The following TBL1XR1 variants were observed in gnomAD, a reference collection of about 807,000 sequenced individuals.
TBL1XR1 encodes the protein TBL1X/Y related 1.
TBL1XR1 carries 5 observed loss-of-function variants against 66.9 expected under a neutral mutation model. That is an observed-to-expected ratio of 0.07 (90% CI 0.04 to 0.16). TBL1XR1 has a LOEUF of 0.16. Among genes scored for constraint, TBL1XR1 ranks in the 10% least tolerant of loss-of-function variants. The pLI, the probability that TBL1XR1 is intolerant of heterozygous loss-of-function variation, is 1.00. For synonymous variants in TBL1XR1, 210 were observed against 206.0 expected, an observed-to-expected ratio of 1.02 and a Z score of -0.17; for missense variants, 238 against 623.2, an observed-to-expected ratio of 0.38 and a Z score of 6.58.
At chr3:177,196,578 A>C (rs1736883775) in intron 1 of TBL1XR1, 2 of 148,144 alleles carry the variant, frequency 1.4e-5, no homozygotes, top group Admixed American at 6.7e-5. Context: ...CGGGCCGGGG[A>C]CGCGCCCGGG....
chr3:177,112,109 T>TATATATATA (rs1560188974), intron 1 of TBL1XR1, among the ~76,000 whole-genome samples: 38 of 36,940 alleles, frequency 1.0e-3, no homozygotes, highest in African/African-American at 3.1e-3. Flanking sequence ...ATATATATAT[T>TATATATATA]TTTTTTTTTT....
chr3:177,176,449 G>A (rs904598154), intron 1 of TBL1XR1, among the ~76,000 whole-genome samples: 15 of 149,054 alleles, frequency 1.0e-4, no homozygotes, highest in Non-Finnish European at 2.1e-4. Context: ...CACCCACCTC[G>A]GCCTCCCAAA....
chr3:177,176,716 G>A (rs952430927), intron 1 of TBL1XR1, among the ~76,000 whole-genome samples: 7 of 152,040 alleles, frequency 4.6e-5, no homozygotes, highest in African/African-American at 1.4e-4. Flanking sequence ...TCAGGAGGCT[G>A]AGGCAGCAAA....
intron 1 of TBL1XR1, among the ~76,000 whole-genome samples, chr3:177,111,670 T>C: frequency 6.6e-6 from 1 of 152,120 alleles, no homozygotes. Flanking sequence ...TATGCTGTTT[T>C]AAGAATGCAT....
chr3:177,082,580 G>A (rs1721529175), intron 2 of TBL1XR1, among the ~76,000 whole-genome samples: 1 of 150,972 alleles, frequency 6.6e-6, no homozygotes, highest in Non-Finnish European at 1.5e-5. Context: ...ACTGGTATTT[G>A]TAACAGTTAT....
upstream of TBL1XR1, among the ~76,000 whole-genome samples, chr3:177,199,183 G>C (rs1737284220): frequency 6.6e-6 from 1 of 152,170 alleles, no homozygotes; most frequent in East Asian, 1.9e-4. Flanking sequence ...AAGTGGGAAT[G>C]TTGGATTAAA....
intron 1 of TBL1XR1, among the ~76,000 whole-genome samples, chr3:177,179,389 AT>A (rs1470455850): frequency 6.6e-6 from 1 of 152,216 alleles, no homozygotes; most frequent in Non-Finnish European, 1.5e-5. Flanking sequence ...TAATTCTCGT[AT>A]TTACCAATTA....
At chr3:177,141,789 C>T (rs1729658667) in intron 1 of TBL1XR1, among the ~76,000 whole-genome samples, 1 of 152,160 alleles carries the variant, frequency 6.6e-6, no homozygotes, top group African/African-American at 2.4e-5. Context: ...TTCACAATAG[C>T]CGAAAGTCGG....
chr3:177,166,061 G>A (rs567971597), intron 1 of TBL1XR1, among the ~76,000 whole-genome samples: 65 of 152,214 alleles, frequency 4.3e-4, no homozygotes, highest in African/African-American at 1.5e-3. Context: ...CTGCACTCCA[G>A]CCTGGGCAAC....
chr3:177,029,066 T>G (rs1316958983), intron 14 of TBL1XR1, among the ~76,000 whole-genome samples: 1 of 150,154 alleles, frequency 6.7e-6, no homozygotes, highest in Non-Finnish European at 1.5e-5. Context: ...AGATACTTCA[T>G]GAAAAAATAT....
intron 10 of TBL1XR1, among the ~76,000 whole-genome samples, chr3:177,039,998 T>A (rs553577260): frequency 6.6e-6 from 1 of 152,254 alleles, no homozygotes; most frequent in East Asian, 1.9e-4. Context: ...TTGTCAACCC[T>A]AATTTAAAGA....
intron 2 of TBL1XR1, among the ~76,000 whole-genome samples, chr3:177,093,954 A>C (rs1723141129): frequency 6.6e-6 from 1 of 152,206 alleles, no homozygotes; most frequent in Admixed American, 6.5e-5. Context: ...AAATGCAACA[A>C]AAACAAAGAT....
chr3:177,046,294 G>C (rs1210200258), intron 9 of TBL1XR1, 105 bp from the exon 10 acceptor site: 1 of 811,442 alleles, frequency 1.2e-6, no homozygotes, highest in Non-Finnish European at 1.9e-6. Flanking sequence ...TGTCAGAGTG[G>C]ATTTAATTTT....
At chr3:177,032,920 G>A in intron 14 of TBL1XR1, 51 bp downstream of exon 14, 10 of 1,414,778 alleles carry the variant, frequency 7.1e-6, no homozygotes, top group Non-Finnish European at 9.4e-6. Context: ...ATAGGCAAAT[G>A]CTTCTACCTA....
chr3:177,178,288 A>G (rs542429762), intron 1 of TBL1XR1, among the ~76,000 whole-genome samples: 54 of 152,354 alleles, frequency 3.5e-4, no homozygotes, highest in African/African-American at 1.3e-3. Context: ...AGGAAGGGGA[A>G]AGAGAAGAAA....
chr3:177,046,190 C>A lies in TBL1XR1; in HGVS notation c.865-1G>T. Reference sequence around the variant, plus strand: ...TATGTGCGTCCCAAATAATTGTAGTCTGAGATTAAAAGGAAAAGAAAAATA... The same window carrying A: ...TATGTGCGTCCCAAATAATTGTAGTATGAGATTAAAAGGAAAAGAAAAATA... On this transcript the variant is annotated splice_acceptor_variant, in intron 9 of 15. Transcript: ENST00000457928. LOFTEE classifies it high-confidence loss of function. 6.5e-7 allele frequency: 1 copy of A among 1,534,132 alleles called. No homozygotes were observed. The highest frequency in any genetic ancestry group is 1.3e-5 in the South Asian group (1 of 79,104).
chr3:177,075,661 CT>C (rs1382103402), intron 2 of TBL1XR1, among the ~76,000 whole-genome samples: 1 of 152,172 alleles, frequency 6.6e-6, no homozygotes, highest in African/African-American at 2.4e-5. Context: ...CTGCCATCTA[CT>C]TAGCAGTTAG....
intron 1 of TBL1XR1, among the ~76,000 whole-genome samples, chr3:177,111,650 C>T (rs1577199767): frequency 6.6e-6 from 1 of 152,118 alleles, no homozygotes; most frequent in Non-Finnish European, 1.5e-5. Context: ...GGCACCCAAT[C>T]CACGAAGGAT....
chr3:177,037,772 T>TCATCCATC (rs71170848), intron 12 of TBL1XR1: 21,142 of 183,416 alleles, frequency 0.12, 1,391 homozygotes, highest in African/African-American at 0.15. Context: ...AGTAAATCTC[T>TCATCCATC]CATCCATCCA....
Sources: allele counts gnomAD v4.1 joint callset (sites outside exome capture counted in the v4.1 genomes callset), GRCh38; gene constraint gnomAD v4.1.1; transcripts MANE v1.5; gene names NCBI Gene and HGNC (gene_info 2026-07-23, HGNC 2026-07-21).